The following FBXL12 variants were observed in gnomAD, a reference collection of about 807,000 sequenced individuals.
FBXL12 encodes F-box and leucine rich repeat protein 12.
Under a neutral mutation model 24.9 loss-of-function variants are expected in FBXL12, and 22 were observed. The observed-to-expected ratio is 0.88, with a 90% confidence interval of 0.63 to 1.26. FBXL12 has a LOEUF of 1.26. FBXL12 is among the 50% of genes most tolerant of loss of function. The pLI is 0.00. For missense variants in FBXL12, 384 were observed against 434.1 expected (o/e 0.88, Z 1.03); for synonymous variants, 193 against 193.8 (o/e 1.00, Z 0.03).
Position 9,811,528 on chromosome 19 carries a change from C to G in FBXL12, c.349G>C (p.Val117Leu), listed in dbSNP as rs140348111. The G allele has an allele frequency of 1.5e-4, 246 of 1,612,400 alleles. No individual in the cohort carries two copies. Among genetic ancestry groups the G allele is most frequent in the Non-Finnish European group, 1.9e-4 (229 of 1,179,040 alleles). ...GTGCTGGGCAGGCTGGTGATGGGCA[C>G]CATGCTCAGGTCGGCCACGTGCAGG... ...LCLHVADLSM[V>L]PITSLPSTLR... is the part of the protein sequence containing the mutation. Residue 117 changes from valine to leucine, a missense_variant, in exon 3 of 3, where the codon GTG becomes CTG. Coordinates refer to ENST00000247977, the MANE Select transcript of FBXL12 (RefSeq NM_017703.3). The surrounding 1 kb of genome is among the most constrained non-coding windows in gnomAD (Gnocchi z 6.0).
intron 2 of FBXL12, among the ~76,000 whole-genome samples, chr19:9,813,028 G>A (rs1202551249): frequency 4.6e-5 from 7 of 152,120 alleles, no homozygotes; most frequent in South Asian, 2.1e-4. Flanking sequence ...AGCCAAGATC[G>A]TGCCGTTGCA....
intron 2 of FBXL12, among the ~76,000 whole-genome samples, chr19:9,812,549 A>AG (rs2045778504): frequency 6.6e-6 from 1 of 150,732 alleles, no homozygotes; most frequent in African/African-American, 2.4e-5. Context: ...AAAAAAAAAA[A>AG]AAAAAAGATA....
rs1336915966 is a variant in FBXL12, at chr19:9,813,573, C to T, written c.160-1856G>A. On this transcript the variant is annotated intron_variant, in intron 2 of 2. Transcript: ENST00000247977. ...CTGGAGTGCAGTAGCGCAATCTCGG[C>T]TCACTGCAATCTCCACCTCCCAGGT... 6.6e-5 allele frequency among the ~76,000 whole-genome samples: 10 copies of T among 150,934 alleles called. No individual in the cohort carries two copies. The Admixed American group carries it at 6.6e-4, about 10-fold the overall frequency.
Position 9,818,634 on chromosome 19 carries a change from G to T in FBXL12, c.87-17C>A. On this transcript the variant is annotated splice_polypyrimidine_tract_variant and intron_variant, in intron 1 of 2. Coordinates refer to ENST00000247977, the MANE Select transcript of FBXL12 (RefSeq NM_017703.3). ...TGACAGACCCTGGGGGAGGGGACGC[G>T]CGGTTAGAACGACCCCAGCCCCGGG... The T allele has an allele frequency of 1.9e-6, 3 of 1,552,104 alleles. No individual in the cohort carries two copies. Among genetic ancestry groups the T allele is most frequent in the Non-Finnish European group, 2.6e-6 (3 of 1,147,756 alleles).
chr19:9,813,733 T>A (rs1474003047), intron 2 of FBXL12, among the ~76,000 whole-genome samples: 1 of 152,050 alleles, frequency 6.6e-6, no homozygotes, highest in African/African-American at 2.4e-5. Flanking sequence ...CTCAATCTCC[T>A]GACCTCGTGA....
Position 9,818,605 on chromosome 19 carries a change from G to C in FBXL12, c.99C>G (p.Arg33=). 6.4e-7 allele frequency: 1 copy of C among 1,555,656 alleles called. No individual in the cohort carries two copies. The highest frequency in any genetic ancestry group is 8.7e-7 in the Non-Finnish European group (1 of 1,150,288). Residue 33 remains arginine, a synonymous_variant, in exon 2 of 3, where the codon CGC becomes CGG. Transcript: ENST00000247977. ...DRIRISRVCH[R]WKRLVDDRWL... is the part of the protein sequence containing the mutation. Reference sequence around the variant, plus strand: ...ACCGGTCGTCCACCAGCCTCTTCCAGCGGTGACAGACCCTGGGGGAGGGGA... The same window carrying C: ...ACCGGTCGTCCACCAGCCTCTTCCACCGGTGACAGACCCTGGGGGAGGGGA...
chr19:9,810,869 G>A lies in FBXL12; in HGVS notation c.*27C>T. ...TCTGGGGCTCAATGATGAAAACTGG[G>A]ATGGGTCCCAAGGGCAGGTGGAGTA... On this transcript the variant is annotated 3_prime_UTR_variant, in exon 3 of 3. Coordinates refer to ENST00000247977, the MANE Select transcript of FBXL12 (RefSeq NM_017703.3). 1 of 1,536,966 alleles carries A rather than the reference G, an allele frequency of 6.5e-7. No homozygotes were observed. Among genetic ancestry groups the A allele is most frequent in the Non-Finnish European group, 8.9e-7 (1 of 1,129,574 alleles).
intron 2 of FBXL12, chr19:9,814,530 T>C (rs1000378821): frequency 6.9e-6 from 1 of 145,978 alleles, no homozygotes; most frequent in Non-Finnish European, 1.5e-5. Flanking sequence ...AATAAATTAA[T>C]TTAAAAAATA....
In FBXL12 at chr19:9,810,401, T is replaced by C. The variant is rs1419015581; in HGVS notation, c.*495A>G. On this transcript the variant is annotated 3_prime_UTR_variant, in exon 3 of 3. Transcript: ENST00000247977. The stretch of plus-strand genomic sequence containing the variant: ...TCGATCATTGAATCGCGAGTCTGCA[T>C]CGCCTATCTCTCCGCGTCTCTTGCG... The C allele has an allele frequency of 1.3e-5, 2 of 154,210 alleles. No individual in the cohort carries two copies. Among genetic ancestry groups the C allele is most frequent in the Admixed American group, 6.5e-5 (1 of 15,324 alleles). 9.6% of individuals were successfully genotyped at this position (154,210 alleles called of 1,614,324 possible).
rs753163273 is a variant in FBXL12, at chr19:9,811,613, C to G, written c.264G>C (p.Gln88His). 2.6e-6 allele frequency: 4 copies of G among 1,538,660 alleles called. No homozygotes were observed. The highest frequency in any genetic ancestry group is 4.1e-5 in the Admixed American group (2 of 48,998). The change falls in exon 3 of 3, where the codon CAG becomes CAC. Residue 88 changes from glutamine to histidine, a missense_variant. Coordinates refer to ENST00000247977, the MANE Select transcript of FBXL12 (RefSeq NM_017703.3). The surrounding 1 kb of genome is among the most constrained non-coding windows in gnomAD (Gnocchi z 6.0). Reference protein sequence around the residue: ...GYLFSGSQAPQLSPALLRALG... With the variant: ...GYLFSGSQAPHLSPALLRALG... Reference sequence around the variant, plus strand: ...GGGCTCTCAACAGAGCAGGGGACAACTGGGGGGCCTGGGAGCCAGAGAACA... The same window carrying G: ...GGGCTCTCAACAGAGCAGGGGACAAGTGGGGGGCCTGGGAGCCAGAGAACA...
intron 2 of FBXL12, chr19:9,813,445 C>T (rs2045806403): frequency 6.2e-6 from 2 of 321,636 alleles, no homozygotes; most frequent in Non-Finnish European, 1.1e-5. Context: ...AAGCGATTCT[C>T]GTGCCTTAGC....
chr19:9,817,188 C>T (rs1254521005), intron 2 of FBXL12, among the ~76,000 whole-genome samples: 1 of 152,190 alleles, frequency 6.6e-6, no homozygotes, highest in East Asian at 1.9e-4. Flanking sequence ...TGAATCTTCT[C>T]AGGCGGCTGA....
At chr19:9,818,524 C>T in intron 2 of FBXL12, 21 bp downstream of exon 2, 2 of 1,539,398 alleles carry the variant, frequency 1.3e-6, no homozygotes, top group East Asian at 2.4e-5. Context: ...GGCCCAGGCC[C>T]GCCCGGCCAG....
intron 2 of FBXL12, 121 bp downstream of exon 2, chr19:9,818,424 G>T: frequency 1.9e-6 from 2 of 1,069,914 alleles, no homozygotes; most frequent in Non-Finnish European, 2.7e-6. Context: ...ATAGGCCCCG[G>T]ATCGCCTGGC....
In FBXL12 at chr19:9,810,391, C is replaced by T. The variant is rs1464922015; in HGVS notation, c.*505G>A. ...TATGAGCATATCGATCATTGAATCGCGAGTCTGCATCGCCTATCTCTCCGC... is the reference window on the plus strand; with the variant it reads ...TATGAGCATATCGATCATTGAATCGTGAGTCTGCATCGCCTATCTCTCCGC... On this transcript the variant is annotated 3_prime_UTR_variant, in exon 3 of 3. Coordinates refer to ENST00000247977, the MANE Select transcript of FBXL12 (RefSeq NM_017703.3). 2 of 153,514 alleles carry T rather than the reference C, an allele frequency of 1.3e-5. No individual in the cohort carries two copies. Among genetic ancestry groups the T allele is most frequent in the Non-Finnish European group, 2.9e-5 (2 of 69,170 alleles). 9.5% of individuals were successfully genotyped at this position (153,514 alleles called of 1,614,324 possible).
chr19:9,818,159 A>T (rs919304669), intron 2 of FBXL12: 2 of 405,894 alleles, frequency 4.9e-6, no homozygotes, highest in Non-Finnish European at 8.7e-6. Context: ...CTGCAATCGC[A>T]CCACTGCACT....
chr19:9,811,411 T>C lies in FBXL12; in HGVS notation c.466A>G (p.Ile156Val). 3.7e-6 allele frequency: 6 copies of C among 1,613,370 alleles called. No homozygotes were observed. Among genetic ancestry groups the C allele is most frequent in the African/African-American group, 1.3e-5 (1 of 75,048 alleles). Residue 156 changes from isoleucine to valine, a missense_variant, in exon 3 of 3, where the codon ATC (isoleucine) becomes GTC (valine). By Grantham distance (29) the Ile-to-Val change is conservative. Transcript: ENST00000247977. This position sits in a 1 kb window ranked among gnomAD's most constrained non-coding sequence, Gnocchi z 6.0. ...DPTVLPLLECIVLDRVPAFRD... is the reference protein window; with the variant it reads ...DPTVLPLLECVVLDRVPAFRD... ...AAGGCGGGGACGCGGTCCAGCACGATGCATTCAAGCAGGGGCAGCACGGTG... is the reference window on the plus strand; with the variant it reads ...AAGGCGGGGACGCGGTCCAGCACGACGCATTCAAGCAGGGGCAGCACGGTG...
At chr19:9,815,722 T>G (rs543367046) in intron 2 of FBXL12, among the ~76,000 whole-genome samples, 20 of 151,970 alleles carry the variant, frequency 1.3e-4, no homozygotes, top group Non-Finnish European at 2.5e-4. Flanking sequence ...TGGCACGATC[T>G]TGAGTCACTG....
chr19:9,818,481 A>G (rs929388463), intron 2 of FBXL12, 64 bp downstream of exon 2: 145 of 1,491,062 alleles, frequency 9.7e-5, no homozygotes, highest in Non-Finnish European at 1.2e-4. Context: ...AGGGTGGGAG[A>G]GGTGGTCTTC....
Sources: gnomAD v4.1 joint callset for allele counts (sites outside exome capture counted in the v4.1 genomes callset) on GRCh38, gnomAD v4.1.1 for gene constraint, Gnocchi (gnomAD v3.1) non-coding constraint, MANE v1.5 for transcripts, NCBI Gene and HGNC (gene_info 2026-07-23, HGNC 2026-07-21) for gene names.